The following FANCE variants were observed in gnomAD, a reference collection of about 807,000 sequenced individuals.
FANCE encodes the protein Fanconi anemia group E protein.
FANCE carries 42 observed loss-of-function variants against 57.8 expected under a neutral mutation model. The ratio of observed to expected loss-of-function variants is 0.73; its 90% CI spans 0.57 to 0.94. The LOEUF (loss-of-function observed/expected upper bound fraction) is 0.94, where lower values mean the gene tolerates loss of function less well. Among genes scored for constraint, FANCE ranks in the 40% least tolerant of loss-of-function variants. The pLI is 0.00. For missense variants in FANCE, 608 were observed against 661.8 expected (o/e 0.92, Z 0.89); for synonymous variants, 251 against 286.4 (o/e 0.88, Z 1.25).
At chr6:35,459,593 C>G in intron 6 of FANCE, 89 bp from the exon 7 acceptor site, 1 of 1,567,756 alleles carries the variant, frequency 6.4e-7, no homozygotes, top group Non-Finnish European at 8.8e-7. Context: ...GCCCCTGTAA[C>G]AGGCTGGGCA....
chr6:35,459,616 C>G, intron 6 of FANCE, 66 bp from the exon 7 acceptor site: 1 of 1,583,084 alleles, frequency 6.3e-7, no homozygotes, highest in South Asian at 1.1e-5. Flanking sequence ...CTGTTACCGC[C>G]TCCCTGCTTT....
At position 35,457,551 on chromosome 6, in the gene FANCE, C is replaced by T. The variant is rs749252957; in HGVS notation, c.856-5C>T. ...ACGTAGCAGTGACTGGGCTCTCCTC[C>T]ACAGGACCAGCTTCCCAGGCTGCAG... On this transcript the variant is annotated splice_polypyrimidine_tract_variant and splice_region_variant and intron_variant, in intron 2 of 9. Coordinates refer to ENST00000229769, the MANE Select transcript of FANCE (RefSeq NM_021922.3). 56 of 1,613,642 alleles carry T rather than the reference C, an allele frequency of 3.5e-5. 1 individual carries two copies. The highest frequency in any genetic ancestry group is 1.7e-6 in the Non-Finnish European group (2 of 1,180,030).
At chr6:35,455,721 C>T in intron 1 of FANCE, 26 bp from the exon 2 acceptor site, 1 of 1,612,808 alleles carries the variant, frequency 6.2e-7, no homozygotes, top group Non-Finnish European at 8.5e-7. Flanking sequence ...AAACACTTAA[C>T]TGCTTGCTCT....
intron 9 of FANCE, among the ~76,000 whole-genome samples, chr6:35,464,714 C>A (rs1173238566): frequency 6.6e-6 from 1 of 150,448 alleles, no homozygotes; most frequent in Non-Finnish European, 1.5e-5. Flanking sequence ...TGTGTCAGCC[C>A]TGTGAGAGAT....
In FANCE at chr6:35,452,423, C is replaced by G. The variant is rs1332506675; in HGVS notation, c.-123C>G. The stretch of plus-strand genomic sequence containing the variant: ...TCCCAACGCCGAGGAGAGCTTGTAA[C>G]AGGCGCTGGAGCTGGCCCGCCACCG... On this transcript the variant is annotated 5_prime_UTR_variant, in exon 1 of 10. Coordinates refer to ENST00000229769, the MANE Select transcript of FANCE (RefSeq NM_021922.3). The G allele has an allele frequency of 9.7e-7, 1 of 1,034,254 alleles. No homozygotes were observed. Among genetic ancestry groups the G allele is most frequent in the East Asian group, 3.5e-5 (1 of 28,782 alleles). 64.1% of individuals were successfully genotyped at this position (1,034,254 alleles called of 1,614,324 possible). A position where few individuals can be genotyped will look rare whatever the true frequency, so the allele number is the denominator to read the frequency against.
chr6:35,466,633 A>T lies in FANCE; in HGVS notation c.*288A>T. The T allele has an allele frequency of 2.2e-6, 1 of 452,448 alleles. No individual in the cohort carries two copies. The highest frequency in any genetic ancestry group is 3.9e-5 in the East Asian group (1 of 25,484). The allele number at this position is 452,448 out of a possible 1,614,324, so 28.0% of individuals were successfully genotyped here. On this transcript the variant is annotated 3_prime_UTR_variant, in exon 10 of 10. Transcript: ENST00000229769. ...AGGCTGGAGTGCAGTGATGCGATTG[A>T]TCATGGCTCACTGTAACCTCTGCCT...
chr6:35,461,174 G>A (rs1439549099), intron 8 of FANCE, among the ~76,000 whole-genome samples: 6 of 152,154 alleles, frequency 3.9e-5, no homozygotes, highest in Non-Finnish European at 1.5e-5. Flanking sequence ...GGGATTACAG[G>A]CGTGCGCCAC....
chr6:35,466,217 C>A, intron 9 of FANCE, 27 bp from the exon 10 acceptor site: 2 of 1,461,668 alleles, frequency 1.4e-6, no homozygotes, highest in South Asian at 2.3e-5. Flanking sequence ...TTGCTGGAGT[C>A]CTGACATGAT....
At chr6:35,465,355 AG>A (rs1767790681) in intron 9 of FANCE, among the ~76,000 whole-genome samples, 1 of 151,890 alleles carries the variant, frequency 6.6e-6, no homozygotes, top group Non-Finnish European at 1.5e-5. Flanking sequence ...TGTATTTTTT[AG>A]TAGAGATGGG....
At chr6:35,452,852 C>T in intron 1 of FANCE, 59 bp downstream of exon 1, 1 of 1,263,790 alleles carries the variant, frequency 7.9e-7, no homozygotes, top group Non-Finnish European at 1.0e-6. Context: ...GTCGGGGGAA[C>T]GACACACACA....
rs151225583 is a variant in FANCE, at chr6:35,463,325, A to T, written c.1509+411A>T. Among the ~76,000 whole-genome samples, 136 of 152,028 alleles carry T rather than the reference A, an allele frequency of 8.9e-4. 2 individuals carry two copies. In the East Asian group the frequency reaches 0.025, roughly 28 times the overall value. ...AAAACAAAAACAAAAACAAAAAACA[A>T]ACCCTGAGTGCTAGCCAGAGAAACA... On this transcript the variant is annotated intron_variant, in intron 9 of 9. Coordinates refer to ENST00000229769, the MANE Select transcript of FANCE (RefSeq NM_021922.3).
chr6:35,466,304 A>G lies in FANCE; in HGVS notation c.1570A>G (p.Arg524Gly). 6.2e-7 allele frequency: 1 copy of G among 1,613,990 alleles called. No homozygotes were observed. The highest frequency in any genetic ancestry group is 8.5e-7 in the Non-Finnish European group (1 of 1,179,878). ...MALEPNTTFL[R>G]KSLKAALKHL... is the part of the protein sequence containing the mutation. ...CCTAGAACCTAACACCACCTTCCTG[A>G]GGAAGTCCCTGAAGGCCGCCTTGAA... The change falls in exon 10 of 10, where the codon AGG (arginine) becomes GGG (glycine). Residue 524 changes from arginine to glycine, a missense_variant. Coordinates refer to ENST00000229769, the MANE Select transcript of FANCE (RefSeq NM_021922.3).
chr6:35,456,672 G>A lies in FANCE; in HGVS notation c.855+319G>A, dbSNP rs1353817906. The stretch of plus-strand genomic sequence containing the variant: ...TGGGATTATAGGCATGCGCCACCAC[G>A]CCCAGCTAATTTTGTATTTTTAGTA... On this transcript the variant is annotated intron_variant, in intron 2 of 9. Coordinates refer to ENST00000229769, the MANE Select transcript of FANCE (RefSeq NM_021922.3). This position sits in a 1 kb window ranked among gnomAD's most constrained non-coding sequence, Gnocchi z 4.3. Among the ~76,000 whole-genome samples the A allele has an allele frequency of 6.6e-6, 1 of 151,990 alleles. No homozygotes were observed. Among genetic ancestry groups the A allele is most frequent in the East Asian group, 1.9e-4 (1 of 5,188 alleles).
Position 35,456,778 on chromosome 6 carries a change from G to T in FANCE, c.855+425G>T, listed in dbSNP as rs1300333187. Among the ~76,000 whole-genome samples, 1 of 152,210 alleles carries T rather than the reference G, an allele frequency of 6.6e-6. No individual in the cohort carries two copies. Among genetic ancestry groups the T allele is most frequent in the Non-Finnish European group, 1.5e-5 (1 of 68,040 alleles). On this transcript the variant is annotated intron_variant, in intron 2 of 9. Transcript: ENST00000229769. This position sits in a 1 kb window ranked among gnomAD's most constrained non-coding sequence, Gnocchi z 4.3. ...ATCCGCCCACCTTGGCCTCCAAAGTGTTGGGATAACAGGTGTGAGCCACCA... is the reference window on the plus strand; with the variant it reads ...ATCCGCCCACCTTGGCCTCCAAAGTTTTGGGATAACAGGTGTGAGCCACCA...
rs763690150 is a variant in FANCE, at chr6:35,462,818, C to T, written c.1413C>T (p.Val471=). The T allele has an allele frequency of 5.6e-6, 9 of 1,614,168 alleles. No homozygotes were observed. The highest frequency in any genetic ancestry group is 3.3e-5 in the South Asian group (3 of 91,082). The change falls in exon 9 of 10, where the codon GTC becomes GTT. Residue 471 remains valine, a synonymous_variant. Coordinates refer to ENST00000229769, the MANE Select transcript of FANCE (RefSeq NM_021922.3). The part of the protein sequence containing the change: ...QVEMTPEKFS[V]LMEKLCKKGL... Reference sequence around the variant, plus strand: ...AGATGACCCCTGAGAAGTTCAGTGTCTTAATGGAGAAGCTCTGTAAAAAGG... The same window carrying T: ...AGATGACCCCTGAGAAGTTCAGTGTTTTAATGGAGAAGCTCTGTAAAAAGG...
rs748817910 is a variant in FANCE, at chr6:35,456,006, G to T, written c.508G>T (p.Gly170Trp). Residue 170 changes from glycine (G) to tryptophan (W), a missense_variant, in exon 2 of 10, where the codon GGG becomes TGG. Gly to Trp is a radical substitution (Grantham distance 184). Coordinates refer to ENST00000229769, the MANE Select transcript of FANCE (RefSeq NM_021922.3). This position sits in a 1 kb window ranked among gnomAD's most constrained non-coding sequence, Gnocchi z 4.3. ...CQRQLQSLCR[G>W]LGLGGRRLKS... Reference sequence around the variant, plus strand: ...GAGACAGCTCCAAAGTCTATGTAGGGGGCTGGGCCTGGGGGGCAGGAGGTT... The same window carrying T: ...GAGACAGCTCCAAAGTCTATGTAGGTGGCTGGGCCTGGGGGGCAGGAGGTT... 5.6e-6 allele frequency: 9 copies of T among 1,613,108 alleles called. No homozygotes were observed. The East Asian group carries it at 2.0e-4, about 36-fold the overall frequency.
chr6:35,459,301 A>T (rs1321533589), intron 5 of FANCE, 30 bp from the exon 6 acceptor site: 3 of 1,613,452 alleles, frequency 1.9e-6, no homozygotes, highest in Non-Finnish European at 2.5e-6. Context: ...AGAAGAAAAT[A>T]ATTAATTTTT....
In FANCE at chr6:35,456,360, T is replaced by C; in HGVS notation, c.855+7T>C. The C allele has an allele frequency of 1.2e-6, 2 of 1,614,144 alleles. No individual in the cohort carries two copies. Among genetic ancestry groups the C allele is most frequent in the Admixed American group, 1.7e-5 (1 of 60,024 alleles). On this transcript the variant is annotated splice_region_variant and intron_variant, in intron 2 of 9. Coordinates refer to ENST00000229769, the MANE Select transcript of FANCE (RefSeq NM_021922.3). This position sits in a 1 kb window ranked among gnomAD's most constrained non-coding sequence, Gnocchi z 4.3. ...GTTGCCCAAAGCTATCCAGGTACTTTGGTAGGGAGACTGGGTTTAGAGTGA... is the reference window on the plus strand; with the variant it reads ...GTTGCCCAAAGCTATCCAGGTACTTCGGTAGGGAGACTGGGTTTAGAGTGA...
intron 3 of FANCE, 27 bp from the exon 4 acceptor site, chr6:35,457,889 G>A (rs1767410623): frequency 6.2e-7 from 1 of 1,604,960 alleles, no homozygotes; most frequent in Non-Finnish European, 8.5e-7. Context: ...GGCTCTGCCA[G>A]CCCTAACATG....
Sources: gnomAD v4.1 joint callset for allele counts (sites outside exome capture counted in the v4.1 genomes callset) on GRCh38, gnomAD v4.1.1 for gene constraint, Gnocchi (gnomAD v3.1) non-coding constraint, MANE v1.5 for transcripts, NCBI Gene and HGNC (gene_info 2026-07-23, HGNC 2026-07-21) for gene names.